The following ZNF280A variants were observed in gnomAD, a reference collection of about 807,000 sequenced individuals.
ZNF280A encodes zinc finger protein 280A, also known as suppressor of hairy wing homolog 1.
Under a neutral mutation model 35.9 loss-of-function variants are expected in ZNF280A, and 26 were observed. The observed-to-expected ratio is 0.72, with a 90% CI of 0.53 to 1.01. The LOEUF is 1.01. ZNF280A is among the 50% of genes least tolerant of loss of function. The pLI, the probability that ZNF280A is intolerant of heterozygous loss-of-function variation, is 0.00. For synonymous variants in ZNF280A, 231 were observed against 232.9 expected (o/e 0.99, Z 0.07); for missense variants, 654 against 652.0 (o/e 1.00, Z -0.03).
chr22:22,518,899 T>C (rs1337956398), intron 1 of ZNF280A, among the ~76,000 whole-genome samples: 2 of 151,946 alleles, frequency 1.3e-5, no homozygotes, highest in Non-Finnish European at 2.9e-5. Context: ...ATTTTTTTAG[T>C]GCTGTTGTCC....
chr22:22,518,743 G>A (rs113881256), intron 1 of ZNF280A, among the ~76,000 whole-genome samples: 39 of 146,012 alleles, frequency 2.7e-4, no homozygotes, highest in African/African-American at 8.6e-4. Flanking sequence ...AGCGAAGATC[G>A]CACCACTGTG....
Position 22,514,891 on chromosome 22 carries a change from T to C in ZNF280A, c.740A>G (p.Glu247Gly), listed in dbSNP as rs765145914. Residue 247 changes from glutamate to glycine, a missense_variant, in exon 2 of 2, where the codon GAG (glutamate) becomes GGG (glycine). Glu to Gly is a moderately conservative substitution (Grantham distance 98). Transcript: ENST00000302097. ...AATGTCTGTCATTGCCAGGGCAGAC[T>C]CACTTGCTCTCTCTGGATCTGTAAG... ...FNLTDPERASESALAMTDISS... is the reference protein window; with the variant it reads ...FNLTDPERASGSALAMTDISS... The C allele has an allele frequency of 2.5e-6, 4 of 1,613,648 alleles. No homozygotes were observed. The Admixed American group carries it at 6.7e-5, about 27-fold the overall frequency.
At position 22,515,206 on chromosome 22, in the gene ZNF280A, G is replaced by A; in HGVS notation, c.425C>T (p.Pro142Leu). The part of the protein sequence containing the change: ...VVSPSSSDSL[P>L]PGTQCLVGAM... ...TCCAACTAGACACTGAGTCCCTGGG[G>A]GGAGCGAGTCTGAGGAACTGGGAGA... The change falls in exon 2 of 2, where the codon CCC becomes CTC. Residue 142 changes from proline to leucine, a missense_variant. Coordinates refer to ENST00000302097, the MANE Select transcript of ZNF280A (RefSeq NM_080740.5). The A allele has an allele frequency of 6.2e-7, 1 of 1,613,878 alleles. No individual in the cohort carries two copies. Among genetic ancestry groups the A allele is most frequent in the Admixed American group, 1.7e-5 (1 of 59,998 alleles).
rs776352363 is a variant in ZNF280A at position 22,514,995 on chromosome 22, C to G, written c.636G>C (p.Gly212=). Residue 212 remains glycine (G), a synonymous_variant, in exon 2 of 2, where the codon GGG becomes GGC. Transcript: ENST00000302097. ...STISTNTPSQ[G]ICNSSNHVQN... ...GAACATGGTTTGATGAGTTGCAGATCCCCTGTGAGGGTGTATTTGTGCTTA... is the reference window on the plus strand; with the variant it reads ...GAACATGGTTTGATGAGTTGCAGATGCCCTGTGAGGGTGTATTTGTGCTTA... The G allele has an allele frequency of 4.3e-6, 7 of 1,613,862 alleles. No homozygotes were observed. The South Asian group carries it at 7.7e-5, about 18-fold the overall frequency.
In ZNF280A at chr22:22,514,218, G is replaced by C. The variant is rs1237588209; in HGVS notation, c.1413C>G (p.Thr471=). 1.9e-6 allele frequency: 3 copies of C among 1,613,668 alleles called. No homozygotes were observed. The highest frequency in any genetic ancestry group is 1.7e-5 in the Admixed American group (1 of 59,924). The change falls in exon 2 of 2, where the codon ACC becomes ACG. Residue 471 remains threonine, a synonymous_variant. Coordinates refer to ENST00000302097, the MANE Select transcript of ZNF280A (RefSeq NM_080740.5). ...LTLKEEIEHK[T]KDHQTFKKPE... ...GCTTTTTAAATGTTTGATGGTCCTT[G>C]GTTTTGTGCTCTATTTCCTCCTTCA... is the stretch of plus-strand genomic sequence containing the variant.
In ZNF280A at chr22:22,516,296, A is replaced by AACACACACACACACACACACACAC. The variant is rs1555948002; in HGVS notation, c.-71-596_-71-595insGTGTGTGTGTGTGTGTGTGTGTGT. On this transcript the variant is annotated intron_variant, in intron 1 of 1. Coordinates refer to ENST00000302097, the MANE Select transcript of ZNF280A (RefSeq NM_080740.5). ...ACAAACACACACACACACAAATCAC[A>AACACACACACACACACACACACAC]GCACACACACACACACACACCCTTT... 1.2e-3 allele frequency among the ~76,000 whole-genome samples: 184 copies of AACACACACACACACACACACACAC among 149,392 alleles called. 3 individuals are homozygous for AACACACACACACACACACACACAC. In the Middle Eastern group the frequency reaches 0.021, roughly 17 times the overall value.
Position 22,514,513 on chromosome 22 carries a change from A to G in ZNF280A, c.1118T>C (p.Phe373Ser), listed in dbSNP as rs758146693. The G allele has an allele frequency of 1.2e-6, 2 of 1,613,928 alleles. No homozygotes were observed. Among genetic ancestry groups the G allele is most frequent in the East Asian group, 4.5e-5 (2 of 44,798 alleles). The change falls in exon 2 of 2, where the codon TTT (phenylalanine) becomes TCT (serine). Residue 373 changes from phenylalanine to serine, a missense_variant. Phe to Ser is a radical substitution (Grantham distance 155). Coordinates refer to ENST00000302097, the MANE Select transcript of ZNF280A (RefSeq NM_080740.5). Reference protein sequence around the residue: ...SAVCKICELSFETDQVLLQHM... With the variant: ...SAVCKICELSSETDQVLLQHM... Reference sequence around the variant, plus strand: ...TTGTAAGAGGACCTGATCTGTTTCAAATGACAATTCACAGATTTTACAGAC... The same window carrying G: ...TTGTAAGAGGACCTGATCTGTTTCAGATGACAATTCACAGATTTTACAGAC...
At chr22:22,518,167 C>A (rs952974273) in intron 1 of ZNF280A, among the ~76,000 whole-genome samples, 1 of 151,704 alleles carries the variant, frequency 6.6e-6, no homozygotes, top group South Asian at 2.1e-4. Flanking sequence ...CCTCGTGATC[C>A]GCCCGCCTCG....
intron 1 of ZNF280A, 66 bp from the exon 2 acceptor site, chr22:22,515,767 T>C (rs565018755): frequency 2.2e-6 from 3 of 1,378,130 alleles, no homozygotes; most frequent in Non-Finnish European, 2.9e-6. Context: ...CTTTATTGTA[T>C]CCTCCCTTAA....
At chr22:22,516,438 G>A (rs188202405) in intron 1 of ZNF280A, among the ~76,000 whole-genome samples, 1 of 152,010 alleles carries the variant, frequency 6.6e-6, no homozygotes, top group East Asian at 2.0e-4. Flanking sequence ...AGCAAAGCTA[G>A]TCTGCTCTAT....
intron 1 of ZNF280A, among the ~76,000 whole-genome samples, chr22:22,517,372 T>G (rs530201561): frequency 1.3e-5 from 2 of 152,178 alleles, no homozygotes; most frequent in Non-Finnish European, 2.9e-5. Context: ...CTGTGCATGC[T>G]AAATCTTTGT....
intron 1 of ZNF280A, among the ~76,000 whole-genome samples, chr22:22,519,411 C>T (rs752416455): frequency 2.6e-5 from 4 of 151,764 alleles, no homozygotes; most frequent in Non-Finnish European, 5.9e-5. Flanking sequence ...CCAGCCTGGG[C>T]GGCCAGAGTG....
intron 1 of ZNF280A, among the ~76,000 whole-genome samples, chr22:22,519,134 G>A (rs970093488): frequency 1.3e-5 from 2 of 151,862 alleles, no homozygotes; most frequent in Non-Finnish European, 2.9e-5. Context: ...ACAATATACT[G>A]TAATAAAAGA....
Position 22,513,959 on chromosome 22 carries a change from A to G in ZNF280A, c.*43T>C, listed in dbSNP as rs749679040. 1 of 1,113,196 alleles carries G rather than the reference A, an allele frequency of 9.0e-7. No homozygotes were observed. The highest frequency in any genetic ancestry group is 1.3e-6 in the Non-Finnish European group (1 of 756,820). The allele number at this position is 1,113,196 out of a possible 1,614,324, so 69.0% of individuals were successfully genotyped here. ...CACAATGCACATATGGCCTAGCCTC[A>G]CTTCTGCCTTTCGGAACTCCTGGAA... is the stretch of plus-strand genomic sequence containing the variant. On this transcript the variant is annotated 3_prime_UTR_variant, in exon 2 of 2. Transcript: ENST00000302097.
chr22:22,513,782 TGAG>T lies in ZNF280A; in HGVS notation c.*217_*219del, dbSNP rs2062036347. On this transcript the variant is annotated 3_prime_UTR_variant, in exon 2 of 2. Transcript: ENST00000302097. ...AAAGTTCATGAACAAGAAAAACCTC[TGAG>T]GTCAGAATAAGGGATGCCCTGTTGG... 5 of 460,124 alleles carry T rather than the reference TGAG, an allele frequency of 1.1e-5. No homozygotes were observed. The East Asian group carries it at 1.3e-4, about 12-fold the overall frequency. The allele number at this position is 460,124 out of a possible 1,614,324, so 28.5% of individuals were successfully genotyped here. A position where few individuals can be genotyped will look rare whatever the true frequency, so the allele number is the denominator to read the frequency against.
rs2062054295 is a variant in ZNF280A at position 22,515,163 on chromosome 22, T to A, written c.468A>T (p.Gly156=). The change falls in exon 2 of 2, where the codon GGA becomes GGT. Residue 156 remains glycine (G), a synonymous_variant. Transcript: ENST00000302097. ...AATCAGGAGAACTCTCATTTCTGCC[T>A]CCTCCAGAGACCATAGCTCCAACTA... The part of the protein sequence containing the change: ...QCLVGAMVSG[G]GRNESSPDSK... 6.2e-7 allele frequency: 1 copy of A among 1,613,896 alleles called. No homozygotes were observed. The highest frequency in any genetic ancestry group is 8.5e-7 in the Non-Finnish European group (1 of 1,179,970).
chr22:22,514,553 T>A lies in ZNF280A; in HGVS notation c.1078A>T (p.Met360Leu). Reference protein sequence around the residue: ...QCHIDSVHIAMGPSAVCKICE... With the variant: ...QCHIDSVHIALGPSAVCKICE... ...ATTTTACAGACAGCAGAGGGCCCCA[T>A]GGCGATGTGTACACTATCAATGTGA... Residue 360 changes from methionine to leucine, a missense_variant, in exon 2 of 2, where the codon ATG becomes TTG. Physicochemically the swap from Met to Leu is conservative, Grantham distance 15. Transcript: ENST00000302097. 1 of 1,613,924 alleles carries A rather than the reference T, an allele frequency of 6.2e-7. No individual in the cohort carries two copies. Among genetic ancestry groups the A allele is most frequent in the South Asian group, 1.1e-5 (1 of 91,074 alleles).
chr22:22,513,871 G>A lies in ZNF280A; in HGVS notation c.*131C>T, dbSNP rs1038663552. The A allele has an allele frequency of 4.6e-6, 3 of 647,002 alleles. No homozygotes were observed. Among genetic ancestry groups the A allele is most frequent in the African/African-American group, 3.6e-5 (2 of 55,420 alleles). 40.1% of individuals were successfully genotyped at this position (647,002 alleles called of 1,614,324 possible). On this transcript the variant is annotated 3_prime_UTR_variant, in exon 2 of 2. Coordinates refer to ENST00000302097, the MANE Select transcript of ZNF280A (RefSeq NM_080740.5). ...AGCTACTTCTTGACAATAGGGAGCT[G>A]ATGAGATGTCACTGTAAAAAACAAC...
intron 1 of ZNF280A, among the ~76,000 whole-genome samples, chr22:22,516,162 T>C (rs1400317141): frequency 1.3e-5 from 2 of 151,782 alleles, no homozygotes; most frequent in Non-Finnish European, 2.9e-5. Flanking sequence ...ACACCTGTGG[T>C]CCCAGCTACT....
Sources: gnomAD v4.1 joint callset for allele counts (sites outside exome capture counted in the v4.1 genomes callset) on GRCh38, gnomAD v4.1.1 for gene constraint, MANE v1.5 for transcripts, NCBI Gene and HGNC (gene_info 2026-07-23, HGNC 2026-07-21) for gene names.